SLC24A2: variants seen among roughly 807,000 people sequenced by gnomAD.
The protein encoded by SLC24A2 is sodium/potassium/calcium exchanger 2.
SLC24A2 carries 36 observed loss-of-function variants against 62.0 expected under a neutral mutation model. The ratio of observed to expected loss-of-function variants is 0.58; its 90% CI spans 0.44 to 0.77. SLC24A2 has a LOEUF of 0.77. SLC24A2 is among the 30% of genes least tolerant of loss of function. SLC24A2 has a pLI of 0.00. For missense variants in SLC24A2, 846 were observed against 817.9 expected, an observed-to-expected ratio of 1.03 and a Z score of -0.42; for synonymous variants, 358 against 294.0, an observed-to-expected ratio of 1.22 and a Z score of -2.23.
chr9:19,980,893 G>T, the SLC24A2 span, among the ~76,000 whole-genome samples: 1 of 152,108 alleles, frequency 6.6e-6, no homozygotes, highest in African/African-American at 2.4e-5. Context: ...TGTATATTAC[G>T]ACTTCAATCC....
chr9:20,165,959 C>T, the SLC24A2 span, among the ~76,000 whole-genome samples: 1 of 151,780 alleles, frequency 6.6e-6, no homozygotes, highest in South Asian at 2.1e-4. Context: ...AAACATGAGA[C>T]ATCCTATAGG....
the SLC24A2 span, among the ~76,000 whole-genome samples, chr9:19,977,147 G>A: frequency 1.5e-4 from 22 of 151,406 alleles, no homozygotes; most frequent in African/African-American, 5.3e-4. Context: ...GTGTGTGTGT[G>A]TATGAGAGAC....
At chr9:19,522,728 C>G (rs1586885029) in intron 9 of SLC24A2, among the ~76,000 whole-genome samples, 2 of 152,278 alleles carry the variant, frequency 1.3e-5, no homozygotes, top group South Asian at 4.1e-4. Context: ...CAGCCTGATA[C>G]ATGGCAGGCT....
At chr9:20,274,311 G>C in the SLC24A2 span, among the ~76,000 whole-genome samples, 1 of 152,178 alleles carries the variant, frequency 6.6e-6, no homozygotes, top group Non-Finnish European at 1.5e-5. Flanking sequence ...AGATCATGTG[G>C]TTATGTGGGG....
the SLC24A2 span, among the ~76,000 whole-genome samples, chr9:19,851,313 C>T: frequency 5.9e-5 from 9 of 151,724 alleles, no homozygotes; most frequent in Non-Finnish European, 8.8e-5. Flanking sequence ...GTGTGAGCTA[C>T]TGCGCCTGGC....
chr9:20,184,009 A>G, the SLC24A2 span, among the ~76,000 whole-genome samples: 1 of 152,162 alleles, frequency 6.6e-6, no homozygotes, highest in Non-Finnish European at 1.5e-5. Context: ...ATATTTGCAA[A>G]CCATACATCT....
chr9:19,810,713 T>A, the SLC24A2 span, among the ~76,000 whole-genome samples: 1 of 152,302 alleles, frequency 6.6e-6, no homozygotes, highest in African/African-American at 2.4e-5. Context: ...ATACAACTGG[T>A]AACTTGTTAG....
At chr9:19,899,134 C>T in the SLC24A2 span, among the ~76,000 whole-genome samples, 4 of 152,164 alleles carry the variant, frequency 2.6e-5, no homozygotes, top group Non-Finnish European at 4.4e-5. Flanking sequence ...TGTGTTCTCA[C>T]CCTGCTGTCT....
At chr9:19,653,557 A>C (rs1396598628) in intron 2 of SLC24A2, among the ~76,000 whole-genome samples, 1 of 152,224 alleles carries the variant, frequency 6.6e-6, no homozygotes, top group African/African-American at 2.4e-5. Flanking sequence ...TCCAGGTGAA[A>C]AGTTGATCTA....
chr9:19,655,661 C>G (rs1818923396), intron 2 of SLC24A2, among the ~76,000 whole-genome samples: 1 of 152,120 alleles, frequency 6.6e-6, no homozygotes, highest in Admixed American at 6.5e-5. Flanking sequence ...AAATTTTATT[C>G]ACTACAGATT....
At chr9:20,077,020 T>C in the SLC24A2 span, among the ~76,000 whole-genome samples, 1 of 151,224 alleles carries the variant, frequency 6.6e-6, no homozygotes, top group Non-Finnish European at 1.5e-5. Flanking sequence ...TGGAAGGCCT[T>C]CAGCTAATGA....
the SLC24A2 span, among the ~76,000 whole-genome samples, chr9:19,818,818 A>G: frequency 1.3e-5 from 2 of 152,114 alleles, no homozygotes; most frequent in Non-Finnish European, 2.9e-5. Context: ...AAATACCACC[A>G]TCATTCTTCA....
chr9:19,650,719 C>T (rs1006906249), intron 2 of SLC24A2, among the ~76,000 whole-genome samples: 6 of 101,486 alleles, frequency 5.9e-5, no homozygotes, highest in East Asian at 1.2e-3. Flanking sequence ...AAACATGGCA[C>T]GCGCACACAC....
At chr9:19,794,430 A>G in the SLC24A2 span, among the ~76,000 whole-genome samples, 1 of 152,156 alleles carries the variant, frequency 6.6e-6, no homozygotes, top group East Asian at 1.9e-4. Flanking sequence ...AGAAGGGAAC[A>G]ATAAACATGG....
At position 19,555,763 on chromosome 9, in the gene SLC24A2, G is replaced by C. The variant is rs547371994; in HGVS notation, c.1348-5495C>G. On this transcript the variant is annotated intron_variant, in intron 7 of 10. Transcript: ENST00000341998. ...AGTTTGAGACCAGCTTGGCCAACAT[G>C]GTGAAACCCCATCTCTACTAAAAAT... 9.9e-5 allele frequency among the ~76,000 whole-genome samples: 15 copies of C among 152,200 alleles called. No individual in the cohort carries two copies. In the South Asian group the frequency reaches 3.1e-3, roughly 32 times the overall value.
At chr9:19,935,211 A>C in the SLC24A2 span, among the ~76,000 whole-genome samples, 2 of 151,488 alleles carry the variant, frequency 1.3e-5, no homozygotes, top group Non-Finnish European at 2.9e-5. Context: ...ACTATATTGG[A>C]AATCGGGATT....
the SLC24A2 span, among the ~76,000 whole-genome samples, chr9:19,830,230 C>G: frequency 6.6e-6 from 1 of 152,140 alleles, no homozygotes; most frequent in Non-Finnish European, 1.5e-5. Flanking sequence ...TTGCTAGACA[C>G]TTTGTTTTGT....
chr9:20,134,484 C>A, the SLC24A2 span, among the ~76,000 whole-genome samples: 4 of 151,842 alleles, frequency 2.6e-5, no homozygotes, highest in Admixed American at 6.6e-5. Context: ...AGAGTTGAGG[C>A]CATTGGGAGT....
At chr9:20,209,579 C>A in the SLC24A2 span, among the ~76,000 whole-genome samples, 5 of 152,178 alleles carry the variant, frequency 3.3e-5, no homozygotes, top group Non-Finnish European at 2.9e-5. Flanking sequence ...CACCCCCAGA[C>A]TGGGGGCTCT....
Sources: allele counts gnomAD v4.1 joint callset (sites outside exome capture counted in the v4.1 genomes callset), GRCh38; gene constraint gnomAD v4.1.1; transcripts MANE v1.5; gene names NCBI Gene and HGNC (gene_info 2026-07-23, HGNC 2026-07-21).